TPO: variants seen among roughly 807,000 people sequenced by gnomAD.
The protein encoded by TPO is thyroid peroxidase.
Under a neutral mutation model 96.9 loss-of-function variants are expected in TPO, and 78 were observed. That is an observed-to-expected ratio of 0.81 (90% CI 0.67 to 0.97). The LOEUF (loss-of-function observed/expected upper bound fraction) is 0.97. Ranked by LOEUF, TPO falls within the 50% of genes least tolerant of loss-of-function variation. The pLI is 0.00. For missense variants in TPO, 1,252 were observed against 1,274.8 expected, an observed-to-expected ratio of 0.98 and a Z score of 0.27; for synonymous variants, 547 against 538.0, an observed-to-expected ratio of 1.02 and a Z score of -0.23.
rs201989282 is a variant in TPO, at chr2:1,537,783, TCCC to T, written c.2619-2807_2619-2805del. On this transcript the variant is annotated intron_variant, in intron 15 of 16. Coordinates refer to ENST00000329066, the MANE Select transcript of TPO (RefSeq NM_001206744.2). Reference sequence around the variant, plus strand: ...CCTCACTGAGTACAACCTCCCCAAATCCCCCCATTGTGAGCAATGTCCCCAAAT... The same window carrying T: ...CCTCACTGAGTACAACCTCCCCAAATCCCATTGTGAGCAATGTCCCCAAAT... 8.2e-3 allele frequency among the ~76,000 whole-genome samples: 503 copies of T among 61,534 alleles called. 11 individuals are homozygous for T. The highest frequency in any genetic ancestry group is 0.034 in the African/African-American group (487 of 14,308). The allele number at this position is 61,534 out of a possible 152,430, so 40.4% of individuals were successfully genotyped here. A position where few individuals can be genotyped will look rare whatever the true frequency, so the allele number is the denominator to read the frequency against.
At chr2:1,445,884 T>C (rs1350241779) in intron 5 of TPO, among the ~76,000 whole-genome samples, 3 of 150,670 alleles carry the variant, frequency 2.0e-5, no homozygotes, top group Admixed American at 1.3e-4. Flanking sequence ...AGGCACCGTG[T>C]TGGAAGGGAA....
chr2:1,499,201 C>A (rs777333690), intron 13 of TPO, among the ~76,000 whole-genome samples: 25 of 151,964 alleles, frequency 1.6e-4, no homozygotes, highest in African/African-American at 5.6e-4. Flanking sequence ...GGAGCTGCCC[C>A]CTGTGCGCGT....
At chr2:1,502,980 G>A (rs927522839) in intron 13 of TPO, among the ~76,000 whole-genome samples, 1 of 152,146 alleles carries the variant, frequency 6.6e-6, no homozygotes, top group Non-Finnish European at 1.5e-5. Context: ...GAGGCCTCAC[G>A]GGTCTCCGGC....
chr2:1,433,641 C>G, intron 4 of TPO, 34 bp downstream of exon 4: 2 of 1,603,614 alleles, frequency 1.2e-6, no homozygotes, highest in Non-Finnish European at 1.7e-6. Context: ...TGAGGAGCGG[C>G]AACTCCCGAA....
intron 5 of TPO, among the ~76,000 whole-genome samples, chr2:1,451,388 C>T (rs1667287740): frequency 6.6e-6 from 1 of 152,116 alleles, no homozygotes; most frequent in Non-Finnish European, 1.5e-5. Context: ...ATGACAAAAC[C>T]ACTAATTTTT....
chr2:1,525,379 C>T (rs560094673), intron 15 of TPO, among the ~76,000 whole-genome samples: 1 of 140,690 alleles, frequency 7.1e-6, no homozygotes, highest in Admixed American at 7.3e-5. Flanking sequence ...TGAGCAAAAC[C>T]ACAAATCCCC....
intron 15 of TPO, among the ~76,000 whole-genome samples, chr2:1,537,861 A>C (rs1573667025): frequency 6.3e-4 from 9 of 14,326 alleles, no homozygotes; most frequent in Non-Finnish European, 8.4e-4. Flanking sequence ...GTGCAATCTC[A>C]AATCCCCCCC....
chr2:1,503,729 G>A (rs1673105558), intron 13 of TPO: 2 of 801,570 alleles, frequency 2.5e-6, no homozygotes, highest in East Asian at 5.4e-5. Context: ...TGGACTCCCT[G>A]CAGGCTCAGA....
intron 10 of TPO, among the ~76,000 whole-genome samples, chr2:1,493,365 C>A (rs1027136809): frequency 3.3e-5 from 5 of 152,150 alleles, no homozygotes; most frequent in African/African-American, 1.2e-4. Context: ...ACGGACTCAG[C>A]ATTCTTGCTG....
At chr2:1,524,381 T>TC (rs1197920697) in intron 15 of TPO, among the ~76,000 whole-genome samples, 1 of 51,016 alleles carries the variant, frequency 2.0e-5, no homozygotes, top group Non-Finnish European at 3.6e-5. Context: ...CCTCCCCAAA[T>TC]CCCCCCCACT....
At chr2:1,375,229 C>A (rs1661705066) in intron 1 of TPO, among the ~76,000 whole-genome samples, 2 of 151,874 alleles carry the variant, frequency 1.3e-5, no homozygotes, top group South Asian at 4.2e-4. Context: ...GAGATGGGCT[C>A]GACTCAGACC....
Position 1,433,448 on chromosome 2 carries a change from A to T in TPO, c.190A>T (p.Lys64Ter). 1 of 1,614,250 alleles carries T rather than the reference A, an allele frequency of 6.2e-7. No homozygotes were observed. The highest frequency in any genetic ancestry group is 8.5e-7 in the Non-Finnish European group (1 of 1,180,050). ...MYATMQRNLK[K>*]RGILSPAQLL... ...CTTTATGTGCCATAGAAACCTCAAGAAAAGAGGAATCCTTTCTCCAGCTCA... is the reference window on the plus strand; with the variant it reads ...CTTTATGTGCCATAGAAACCTCAAGTAAAGAGGAATCCTTTCTCCAGCTCA... Residue 64 changes from lysine to a stop codon, truncating the protein, a stop_gained, in exon 4 of 17, where the codon AAA becomes TAA. Coordinates refer to ENST00000329066, the MANE Select transcript of TPO (RefSeq NM_001206744.2). LOFTEE classifies it high-confidence loss of function.
intron 14 of TPO, among the ~76,000 whole-genome samples, chr2:1,514,655 G>A (rs1341267720): frequency 4.6e-5 from 7 of 152,218 alleles, no homozygotes; most frequent in Admixed American, 1.3e-4. Flanking sequence ...TGATGCCCCC[G>A]TAGGACATGC....
intron 11 of TPO, 40 bp downstream of exon 11, chr2:1,494,079 CAG>C: frequency 1.3e-6 from 2 of 1,595,432 alleles, no homozygotes; most frequent in Non-Finnish European, 1.7e-6. Context: ...ACGTTCTGCA[CAG>C]AGGCAGGTGG....
At chr2:1,531,524 G>T (rs113512808) in intron 15 of TPO, among the ~76,000 whole-genome samples, 52 of 95,242 alleles carry the variant, frequency 5.5e-4, no homozygotes, top group East Asian at 1.1e-3. Flanking sequence ...CCCACTGTGT[G>T]CAACCTCCTC....
At chr2:1,477,839 T>C in intron 8 of TPO, 2 of 985,392 alleles carry the variant, frequency 2.0e-6, no homozygotes, top group Non-Finnish European at 2.4e-6. Flanking sequence ...GAAGGGTAAC[T>C]CCGGAGCTGG....
intron 5 of TPO, among the ~76,000 whole-genome samples, chr2:1,450,844 A>C (rs1401191456): frequency 2.0e-5 from 3 of 152,254 alleles, no homozygotes; most frequent in African/African-American, 7.2e-5. Flanking sequence ...ATTTCAATAA[A>C]GACAAACCAA....
At position 1,478,464 on chromosome 2, in the gene TPO, G is replaced by A. The variant is rs28910600; in HGVS notation, c.1338+860G>A. On this transcript the variant is annotated intron_variant, in intron 8 of 16. Coordinates refer to ENST00000329066, the MANE Select transcript of TPO (RefSeq NM_001206744.2). ...TGGAGCCTTGTCCGAGGAGGCACAG[G>A]GGCTGTGTGTGGCACCGGCTGCCCC... 2,211 of 946,224 alleles carry A rather than the reference G, an allele frequency of 2.3e-3. 50 individuals are homozygous for A. The African/African-American group carries it at 0.033, about 14-fold the overall frequency. 58.6% of individuals were successfully genotyped at this position (946,224 alleles called of 1,614,324 possible).
intron 14 of TPO, 21 bp from the exon 15 acceptor site, chr2:1,516,862 A>C (rs1674765996): frequency 2.5e-6 from 4 of 1,612,532 alleles, no homozygotes; most frequent in Non-Finnish European, 3.4e-6. Context: ...TCTTCTAACC[A>C]GGCCTCTTTC....
Sources: allele counts gnomAD v4.1 joint callset (sites outside exome capture counted in the v4.1 genomes callset), GRCh38; gene constraint gnomAD v4.1.1; transcripts MANE v1.5; gene names NCBI Gene and HGNC (gene_info 2026-07-23, HGNC 2026-07-21).